TMTC2: variants seen among roughly 807,000 people sequenced by gnomAD.
The protein encoded by TMTC2 is protein O-mannosyl-transferase TMTC2.
Under a neutral mutation model 82.4 loss-of-function variants are expected in TMTC2, and 43 were observed. The observed-to-expected ratio is 0.52, with a 90% CI of 0.41 to 0.67. The LOEUF is 0.67. Among genes scored for constraint, TMTC2 ranks in the 30% least tolerant of loss-of-function variants. The pLI is 0.00. For missense variants in TMTC2, 919 were observed against 1,012.4 expected (o/e 0.91, Z 1.25); for synonymous variants, 408 against 381.9 (o/e 1.07, Z -0.80).
At chr12:82,899,830 A>C (rs1164874807) in intron 3 of TMTC2, among the ~76,000 whole-genome samples, 1 of 145,468 alleles carries the variant, frequency 6.9e-6, no homozygotes, top group Non-Finnish European at 1.5e-5. Flanking sequence ...AGATATAGGA[A>C]TATATATACA....
intron 11 of TMTC2, among the ~76,000 whole-genome samples, chr12:83,093,584 A>C (rs1320153232): frequency 6.6e-6 from 1 of 152,224 alleles, no homozygotes; most frequent in Non-Finnish European, 1.5e-5. Context: ...AGTCTAGAGC[A>C]ATACCTGGTA....
chr12:82,936,282 C>T (rs1340605290), intron 4 of TMTC2, among the ~76,000 whole-genome samples: 2 of 152,006 alleles, frequency 1.3e-5, no homozygotes, highest in Non-Finnish European at 2.9e-5. Flanking sequence ...TCTGTCAAAT[C>T]TTCGATGAAG....
chr12:82,966,639 G>A (rs1878223770), intron 6 of TMTC2, among the ~76,000 whole-genome samples: 1 of 151,952 alleles, frequency 6.6e-6, no homozygotes, highest in Admixed American at 6.6e-5. Context: ...TTTTTTAGTT[G>A]AGTAATCTGC....
intron 8 of TMTC2, among the ~76,000 whole-genome samples, chr12:83,007,954 C>T (rs1357727792): frequency 1.3e-5 from 2 of 152,100 alleles, no homozygotes; most frequent in Non-Finnish European, 2.9e-5. Context: ...CTACTCTCTT[C>T]TTGCTTGATG....
intron 11 of TMTC2, among the ~76,000 whole-genome samples, chr12:83,080,618 G>T (rs894101351): frequency 6.6e-6 from 1 of 152,144 alleles, no homozygotes; most frequent in Admixed American, 6.5e-5. Context: ...ACCCCAGGCA[G>T]CCGGGTTTTT....
intron 2 of TMTC2, among the ~76,000 whole-genome samples, chr12:82,866,437 T>C (rs1871867455): frequency 1.3e-5 from 2 of 152,160 alleles, no homozygotes; most frequent in Non-Finnish European, 2.9e-5. Flanking sequence ...TGAAATATTC[T>C]ATCAGCACTG....
At chr12:82,828,407 C>T (rs1041763930) in intron 1 of TMTC2, among the ~76,000 whole-genome samples, 1 of 151,868 alleles carries the variant, frequency 6.6e-6, no homozygotes, top group African/African-American at 2.4e-5. Context: ...GCCAGGTGGG[C>T]CAGACTGGTC....
At chr12:82,689,177 A>G (rs1221881529) in intron 1 of TMTC2, among the ~76,000 whole-genome samples, 1 of 152,222 alleles carries the variant, frequency 6.6e-6, no homozygotes, top group Non-Finnish European at 1.5e-5. Flanking sequence ...TATTCGTGGA[A>G]AAAGCCCTTG....
intron 2 of TMTC2, among the ~76,000 whole-genome samples, chr12:82,864,684 GT>G (rs1871740054): frequency 6.6e-6 from 1 of 151,042 alleles, no homozygotes; most frequent in Non-Finnish European, 1.5e-5. Context: ...TGTATTTTTA[GT>G]AGAGATGGGG....
intron 3 of TMTC2, among the ~76,000 whole-genome samples, chr12:82,922,179 C>T (rs985680561): frequency 6.6e-6 from 1 of 152,016 alleles, no homozygotes; most frequent in Non-Finnish European, 1.5e-5. Context: ...AATTTTATTT[C>T]AATAAAATTG....
chr12:83,041,387 G>A (rs1288112532), intron 9 of TMTC2, among the ~76,000 whole-genome samples: 1 of 152,190 alleles, frequency 6.6e-6, no homozygotes, highest in Admixed American at 6.5e-5. Flanking sequence ...TCATAATCTA[G>A]AGAGGATTAC....
chr12:82,869,612 G>T (rs1872060632), intron 2 of TMTC2, among the ~76,000 whole-genome samples: 1 of 152,010 alleles, frequency 6.6e-6, no homozygotes, highest in African/African-American at 2.4e-5. Flanking sequence ...GGCCGAGGTG[G>T]GTGGATCGTG....
chr12:83,015,827 C>T (rs1682604), intron 8 of TMTC2, among the ~76,000 whole-genome samples: 120,020 of 152,144 alleles, frequency 0.79, 48,198 homozygotes, highest in South Asian at 0.93. Context: ...TCCGGCGATA[C>T]GCTTGTCGCT....
intron 2 of TMTC2, among the ~76,000 whole-genome samples, chr12:82,858,906 C>G (rs1399035002): frequency 6.6e-6 from 1 of 151,976 alleles, no homozygotes; most frequent in Non-Finnish European, 1.5e-5. Context: ...TTCATCTAAC[C>G]CAATGTCATC....
At chr12:82,833,422 A>G (rs1592559300) in intron 1 of TMTC2, among the ~76,000 whole-genome samples, 1 of 152,178 alleles carries the variant, frequency 6.6e-6, no homozygotes, top group Non-Finnish European at 1.5e-5. Context: ...AAAAACTTCT[A>G]TGTTTTAAAA....
At chr12:82,773,462 C>CCTT (rs1555184194) in intron 1 of TMTC2, among the ~76,000 whole-genome samples, 4 of 129,832 alleles carry the variant, frequency 3.1e-5, no homozygotes, top group Non-Finnish European at 3.5e-5. Flanking sequence ...AGTGATATTT[C>CCTT]TTTTTTTTTT....
intron 1 of TMTC2, among the ~76,000 whole-genome samples, chr12:82,717,819 C>A (rs780580200): frequency 3.3e-5 from 5 of 152,088 alleles, no homozygotes; most frequent in Non-Finnish European, 7.4e-5. Context: ...TTGTAAAAAA[C>A]CAAACCAAAG....
intron 1 of TMTC2, among the ~76,000 whole-genome samples, chr12:82,841,586 A>C (rs977338504): frequency 6.6e-6 from 1 of 152,130 alleles, no homozygotes; most frequent in Admixed American, 6.6e-5. Context: ...GGCTGATTTT[A>C]ATGTAGGGAT....
intron 8 of TMTC2, among the ~76,000 whole-genome samples, chr12:82,998,685 G>C (rs942926690): frequency 6.6e-6 from 1 of 152,100 alleles, no homozygotes; most frequent in Non-Finnish European, 1.5e-5. Context: ...TTATGACTTT[G>C]AGATTTTTCC....
Sources: allele counts gnomAD v4.1 joint callset (sites outside exome capture counted in the v4.1 genomes callset), GRCh38; gene constraint gnomAD v4.1.1; transcripts MANE v1.5; gene names NCBI Gene and HGNC (gene_info 2026-07-23, HGNC 2026-07-21).